The following IFT140 variants were observed in gnomAD, a reference collection of about 807,000 sequenced individuals.
The protein encoded by IFT140 is intraflagellar transport 140, also known as intraflagellar transport protein 140 homolog.
Under a neutral mutation model 164.6 loss-of-function variants are expected in IFT140, and 133 were observed. That is an observed-to-expected ratio of 0.81 (90% CI 0.70 to 0.93). IFT140 has a LOEUF of 0.93. IFT140 is among the 40% of genes least tolerant of loss of function. The probability of loss-of-function intolerance (pLI) is 0.00; values close to 1 mark genes in which losing one functional copy is unlikely to be tolerated. For missense variants in IFT140, 2,045 were observed against 1,972.3 expected, an observed-to-expected ratio of 1.04 and a Z score of -0.70; for synonymous variants, 860 against 817.3, an observed-to-expected ratio of 1.05 and a Z score of -0.89.
intron 19 of IFT140, chr16:1,532,299 A>T (rs2030584695): frequency 6.6e-6 from 1 of 152,322 alleles, no homozygotes; most frequent in South Asian, 2.1e-4. Context: ...AACCTGACGG[A>T]CACGTCTGCG....
chr16:1,605,743 G>A (rs556500716), intron 3 of IFT140, among the ~76,000 whole-genome samples: 5 of 152,132 alleles, frequency 3.3e-5, no homozygotes, highest in Admixed American at 6.5e-5. Flanking sequence ...ACTGGGCACC[G>A]AGAGGGTGAT....
chr16:1,563,885 C>G (rs1382772156), intron 17 of IFT140, 112 bp downstream of exon 17: 1 of 1,193,494 alleles, frequency 8.4e-7, no homozygotes, highest in Non-Finnish European at 1.1e-6. Flanking sequence ...CCTTGGCCTC[C>G]CACAGTGCCG....
intron 19 of IFT140, chr16:1,555,228 C>T (rs1031240730): frequency 7.9e-5 from 50 of 636,750 alleles, no homozygotes; most frequent in East Asian, 5.6e-4. Flanking sequence ...GGGCCAACCT[C>T]GTTCTGCCTC....
At chr16:1,567,544 C>G (rs1273852503) in intron 15 of IFT140, among the ~76,000 whole-genome samples, 1 of 152,262 alleles carries the variant, frequency 6.6e-6, no homozygotes, top group Non-Finnish European at 1.5e-5. Context: ...GCACACGTGC[C>G]TCCTTCCCTG....
chr16:1,542,957 T>C (rs2031790025), intron 19 of IFT140, among the ~76,000 whole-genome samples: 1 of 152,250 alleles, frequency 6.6e-6, no homozygotes, highest in Non-Finnish European at 1.5e-5. Context: ...TGCGGTGTTC[T>C]AGACAAGTGC....
intron 15 of IFT140, among the ~76,000 whole-genome samples, chr16:1,566,897 C>G (rs545722766): frequency 1.3e-5 from 2 of 152,320 alleles, no homozygotes; most frequent in African/African-American, 4.8e-5. Flanking sequence ...CAGGCCCCAT[C>G]TGGGTTCTCA....
At position 1,525,951 on chromosome 16, in the gene IFT140, T is replaced by G. The variant is rs1433656005; in HGVS notation, c.2704A>C (p.Ser902Arg). ...AEHHDRVHLR[S>R]TYHRYAGHLE... ...TGCCCGGCATAGCGGTGGTAGGTGC[T>G]GCGCAGGTGCACGCGATCGTGGTGC... Residue 902 changes from serine to arginine, a missense_variant, in exon 21 of 31, where the codon AGC becomes CGC. Physicochemically the swap from Ser to Arg is moderately radical, Grantham distance 110 (BLOSUM62 -1). Coordinates refer to ENST00000426508, the MANE Select transcript of IFT140 (RefSeq NM_014714.4). 4 of 1,579,900 alleles carry G rather than the reference T, an allele frequency of 2.5e-6. No individual in the cohort carries two copies. Among genetic ancestry groups the G allele is most frequent in the Non-Finnish European group, 3.4e-6 (4 of 1,164,438 alleles).
At chr16:1,541,800 G>A in intron 19 of IFT140, 1 of 1,242,150 alleles carries the variant, frequency 8.1e-7, no homozygotes. Flanking sequence ...CCCAATGGAG[G>A]CACAGCCTGT....
chr16:1,538,018 C>CAGCCACGCAGAGCCACGCAG, intron 19 of IFT140, among the ~76,000 whole-genome samples: 1 of 152,220 alleles, frequency 6.6e-6, no homozygotes, highest in African/African-American at 2.4e-5. Flanking sequence ...CTACCACGCA[C>CAGCCACGCAGAGCCACGCAG]AGCCACGCAG....
rs1290073029 is a variant in IFT140, at chr16:1,587,723, AG to A, written c.902+209del. On this transcript the variant is annotated intron_variant, in intron 8 of 30. Transcript: ENST00000426508. ...CCACCTGGGGGTAAGGGGAGCCCCG[AG>A]GGAGTGCAGTGGGGCGGGCAGGGAC... Among the ~76,000 whole-genome samples the A allele has an allele frequency of 9.8e-5, 15 of 152,318 alleles. No individual in the cohort carries two copies. In the East Asian group the frequency reaches 1.2e-3, roughly 12 times the overall value.
Position 1,558,020 on chromosome 16 carries a change from T to A in IFT140, c.2314A>T (p.Thr772Ser). Reference protein sequence around the residue: ...FVGLEDCDKATRDAMLHFSFF... With the variant: ...FVGLEDCDKASRDAMLHFSFF... ...CTGAAGTGGAGCATGGCGTCCCGGG[T>A]GGCCTTGTCGCAGTCCTCCAGCCCC... Residue 772 changes from threonine (T) to serine (S), a missense_variant, in exon 19 of 31, where the codon ACC becomes TCC. Physicochemically the swap from Thr to Ser is moderately conservative, Grantham distance 58. Transcript: ENST00000426508. The A allele has an allele frequency of 6.2e-7, 1 of 1,613,962 alleles. No individual in the cohort carries two copies. The highest frequency in any genetic ancestry group is 8.5e-7 in the Non-Finnish European group (1 of 1,180,016).
chr16:1,557,843 T>A, intron 19 of IFT140, 92 bp downstream of exon 19: 1 of 1,280,194 alleles, frequency 7.8e-7, no homozygotes. Context: ...AGTCAAATAT[T>A]TCAACAGGCG....
At position 1,553,380 on chromosome 16, in the gene IFT140, G is replaced by A; in HGVS notation, c.2399+4555C>T. On this transcript the variant is annotated intron_variant, in intron 19 of 30. Coordinates refer to ENST00000426508, the MANE Select transcript of IFT140 (RefSeq NM_014714.4). This position sits in a 1 kb window ranked among gnomAD's most constrained non-coding sequence, Gnocchi z 4.4. The stretch of plus-strand genomic sequence containing the variant: ...TCGATGCTGGGGCCACACAGGGCAG[G>A]GCATGATTTGGTTTCCTGGGGAATG... 1.0e-6 allele frequency: 1 copy of A among 985,384 alleles called. No homozygotes were observed. Among genetic ancestry groups the A allele is most frequent in the South Asian group, 4.7e-5 (1 of 21,280 alleles). The allele number at this position is 985,384 out of a possible 1,614,324, so 61.0% of individuals were successfully genotyped here. A position where few individuals can be genotyped will look rare whatever the true frequency, so the allele number is the denominator to read the frequency against.
Position 1,523,886 on chromosome 16 carries a change from G to T in IFT140, c.3212C>A (p.Ala1071Asp). 1 of 1,613,508 alleles carries T rather than the reference G, an allele frequency of 6.2e-7. No homozygotes were observed. Among genetic ancestry groups the T allele is most frequent in the South Asian group, 1.1e-5 (1 of 91,078 alleles). The change falls in exon 25 of 31, where the codon GCC (alanine) becomes GAC (aspartate). Residue 1071 changes from alanine to aspartate, a missense_variant. Ala to Asp is a moderately radical substitution (Grantham distance 126). Transcript: ENST00000426508. ...LSSPEDMIEA[A>D]RYYEEKGVQM... ...CACGCCCTTCTCCTCGTAGTATCGGGCCGCCTCGATCATGTCCTCGGGGGA... is the reference window on the plus strand; with the variant it reads ...CACGCCCTTCTCCTCGTAGTATCGGTCCGCCTCGATCATGTCCTCGGGGGA...
At chr16:1,552,676 T>A (rs2141399391) in intron 19 of IFT140, among the ~76,000 whole-genome samples, 1 of 137,980 alleles carries the variant, frequency 7.2e-6, no homozygotes, top group Admixed American at 7.8e-5. Flanking sequence ...TGAAATGGAG[T>A]CTCGCTCTGT....
At chr16:1,589,309 C>G (rs995452889) in intron 7 of IFT140, among the ~76,000 whole-genome samples, 1 of 152,120 alleles carries the variant, frequency 6.6e-6, no homozygotes, top group Non-Finnish European at 1.5e-5. Flanking sequence ...GTGTGACTCT[C>G]TTACTTGCAC....
intron 4 of IFT140, 50 bp downstream of exon 4, chr16:1,602,320 G>C: frequency 6.6e-7 from 1 of 1,510,698 alleles, no homozygotes. Context: ...CTCGAGCATG[G>C]TCAGAAAGGG....
rs2040420105 is a variant in IFT140, at chr16:1,518,227, C to T, written c.4171G>A (p.Glu1391Lys). ...FLVEHYVRKE[E>K]YQTAYRFLEE... is the part of the protein sequence containing the mutation. Reference sequence around the variant, plus strand: ...CACTCAGGCCTCACCGTCTGGTATTCCTCCTTCCGCACGTAGTGCTCCACC... The same window carrying T: ...CACTCAGGCCTCACCGTCTGGTATTTCTCCTTCCGCACGTAGTGCTCCACC... The change falls in exon 30 of 31, where the codon GAA (glutamate) becomes AAA (lysine). Residue 1391 changes from glutamate (E) to lysine (K), a missense_variant. Transcript: ENST00000426508. 1 of 1,612,950 alleles carries T rather than the reference C, an allele frequency of 6.2e-7. No individual in the cohort carries two copies. The highest frequency in any genetic ancestry group is 1.3e-5 in the African/African-American group (1 of 74,910).
intron 4 of IFT140, 26 bp from the exon 5 acceptor site, chr16:1,592,614 A>G (rs751636588): frequency 6.2e-7 from 1 of 1,607,922 alleles, no homozygotes; most frequent in East Asian, 2.2e-5. Context: ...ACCACGTGTT[A>G]GGACAGGTGT....
Sources: gnomAD v4.1 joint callset for allele counts (sites outside exome capture counted in the v4.1 genomes callset) on GRCh38, gnomAD v4.1.1 for gene constraint, Gnocchi (gnomAD v3.1) non-coding constraint, MANE v1.5 for transcripts, NCBI Gene and HGNC (gene_info 2026-07-23, HGNC 2026-07-21) for gene names.